USP7: variants seen among roughly 807,000 people sequenced by gnomAD.
USP7 encodes the protein ubiquitin specific peptidase 7.
USP7 carries 9 observed loss-of-function variants against 162.9 expected under a neutral mutation model. The ratio of observed to expected loss-of-function variants is 0.06; its 90% confidence interval spans 0.03 to 0.10. The LOEUF (loss-of-function observed/expected upper bound fraction) is 0.10. USP7 is among the 10% of genes least tolerant of loss of function. The pLI is 1.00. For synonymous variants in USP7, 562 were observed against 475.9 expected (o/e 1.18, Z -2.35); for missense variants, 715 against 1,373.7 (o/e 0.52, Z 7.58).
rs16964664 is a variant in USP7 at position 8,910,332 on chromosome 16, A to T, written c.1161+413T>A. ...CCTAGAGAACACACTACTCATTCTAAAGTCGTGATCCTCAGAAAACTAAAT... is the reference window on the plus strand; with the variant it reads ...CCTAGAGAACACACTACTCATTCTATAGTCGTGATCCTCAGAAAACTAAAT... On this transcript the variant is annotated intron_variant, in intron 11 of 30. Coordinates refer to ENST00000344836, the MANE Select transcript of USP7 (RefSeq NM_003470.3). Among the ~76,000 whole-genome samples, 1,066 of 152,302 alleles carry T rather than the reference A, an allele frequency of 7.0e-3. 2 individuals carry two copies. The highest frequency in any genetic ancestry group is 0.024 in the African/African-American group (1,009 of 41,558).
intron 1 of USP7, among the ~76,000 whole-genome samples, chr16:8,948,483 C>A (rs1438242393): frequency 4.6e-5 from 7 of 152,194 alleles, no homozygotes; most frequent in African/African-American, 1.7e-4. Flanking sequence ...CCACACCTGG[C>A]CCCCAGTTAA....
intron 10 of USP7, among the ~76,000 whole-genome samples, chr16:8,914,734 AAAGT>A (rs948779889): frequency 1.9e-4 from 29 of 152,086 alleles, no homozygotes; most frequent in African/African-American, 7.0e-4. Flanking sequence ...CCTGAGCAAC[AAAGT>A]AAGACCCCAT....
intron 14 of USP7, 58 bp from the exon 15 acceptor site, chr16:8,904,623 C>T: frequency 6.3e-7 from 1 of 1,591,954 alleles, no homozygotes; most frequent in Non-Finnish European, 8.5e-7. Flanking sequence ...CTCTTAGAAG[C>T]TCCCGATTCT....
At chr16:8,923,064 G>A (rs1331972699) in intron 3 of USP7, 151 bp downstream of exon 3, 1 of 623,178 alleles carries the variant, frequency 1.6e-6, no homozygotes, top group Non-Finnish European at 2.8e-6. Context: ...TTTCTAGCTT[G>A]GATATTATAC....
chr16:8,920,111 G>A (rs990273482), intron 5 of USP7, among the ~76,000 whole-genome samples: 8 of 152,080 alleles, frequency 5.3e-5, no homozygotes, highest in African/African-American at 1.4e-4. Context: ...CATTCTTTAG[G>A]AACAGAAAAC....
chr16:8,908,049 T>C (rs892099596), intron 12 of USP7, among the ~76,000 whole-genome samples: 5 of 152,200 alleles, frequency 3.3e-5, no homozygotes, highest in Non-Finnish European at 7.3e-5. Context: ...GCAAGAGCTG[T>C]GAAGCAGAAA....
At chr16:8,960,406 T>G (rs573112990) in intron 1 of USP7, among the ~76,000 whole-genome samples, 1 of 152,220 alleles carries the variant, frequency 6.6e-6, no homozygotes, top group South Asian at 2.1e-4. Context: ...ATACAAGGAC[T>G]GTGCAGAGTT....
chr16:8,952,968 C>A (rs369544552), intron 1 of USP7, among the ~76,000 whole-genome samples: 6 of 152,216 alleles, frequency 3.9e-5, no homozygotes, highest in African/African-American at 1.4e-4. Context: ...TCCCAAGTAG[C>A]TGGGATTACA....
chr16:8,916,268 A>C (rs1897363483), intron 8 of USP7, among the ~76,000 whole-genome samples: 1 of 152,202 alleles, frequency 6.6e-6, no homozygotes, highest in South Asian at 2.1e-4. Flanking sequence ...TTAAAAGCCT[A>C]CTGCCTGCTA....
intron 1 of USP7, among the ~76,000 whole-genome samples, chr16:8,936,124 G>A (rs1898704556): frequency 6.6e-6 from 1 of 152,180 alleles, no homozygotes; most frequent in African/African-American, 2.4e-5. Context: ...CCACCAGGTG[G>A]TGCCTTGTCC....
Position 8,894,522 on chromosome 16 carries a change from C to G in USP7, c.3202+28G>C, listed in dbSNP as rs767781987. The G allele has an allele frequency of 2.2e-5, 33 of 1,499,386 alleles. No individual in the cohort carries two copies. In the African/African-American group the frequency reaches 4.8e-4, roughly 22 times the overall value. The allele number at this position is 1,499,386 out of a possible 1,614,324, so 92.9% of individuals were successfully genotyped here. ...TTGTTTCTTAGTCTGAAACCCACAC[C>G]AGCCCCCGGGGGGGGGAGAACCCTT... On this transcript the variant is annotated intron_variant, in intron 30 of 30. Coordinates refer to ENST00000344836, the MANE Select transcript of USP7 (RefSeq NM_003470.3).
intron 1 of USP7, among the ~76,000 whole-genome samples, chr16:8,955,714 A>AC (rs1567249474): frequency 5.9e-5 from 9 of 151,502 alleles, no homozygotes; most frequent in African/African-American, 1.9e-4. Flanking sequence ...CAAAAAAAAA[A>AC]AAAAAAAAAA....
intron 3 of USP7, 144 bp from the exon 4 acceptor site, chr16:8,921,439 G>A: frequency 1.1e-6 from 1 of 928,074 alleles, no homozygotes; most frequent in Non-Finnish European, 1.6e-6. Flanking sequence ...AGGTAGGATG[G>A]AGGCATTTTT....
intron 1 of USP7, among the ~76,000 whole-genome samples, chr16:8,941,047 T>C (rs1233835073): frequency 2.0e-5 from 3 of 152,224 alleles, no homozygotes; most frequent in East Asian, 3.8e-4. Flanking sequence ...TTCCAGCCAC[T>C]GATTGGAAAG....
At chr16:8,947,018 C>G (rs1387229009) in intron 1 of USP7, among the ~76,000 whole-genome samples, 1 of 152,032 alleles carries the variant, frequency 6.6e-6, no homozygotes, top group Non-Finnish European at 1.5e-5. Context: ...ATTAAGTTAC[C>G]ACTTGTTTTG....
intron 1 of USP7, among the ~76,000 whole-genome samples, chr16:8,962,152 C>T (rs757853177): frequency 6.6e-6 from 1 of 152,230 alleles, no homozygotes; most frequent in East Asian, 1.9e-4. Context: ...TCCCCTGGAG[C>T]TTCATTCATT....
chr16:8,898,122 A>G (rs2061718135), intron 25 of USP7, among the ~76,000 whole-genome samples: 1 of 152,142 alleles, frequency 6.6e-6, no homozygotes, highest in Non-Finnish European at 1.5e-5. Context: ...AGTGGGACCC[A>G]GAAGGGAAGG....
rs775157682 is a variant in USP7, at chr16:8,930,276, G to C, written c.184+17C>G. ...AAGTTTCCGCCCACTGCGAGGCGGT[G>C]AACCACAGGCACTTACCATCCTCCA... On this transcript the variant is annotated intron_variant, in intron 2 of 30. Coordinates refer to ENST00000344836, the MANE Select transcript of USP7 (RefSeq NM_003470.3). The C allele has an allele frequency of 1.9e-6, 3 of 1,596,996 alleles. No homozygotes were observed. The highest frequency in any genetic ancestry group is 2.6e-6 in the Non-Finnish European group (3 of 1,169,408).
chr16:8,933,899 C>G (rs1192859608), intron 1 of USP7, among the ~76,000 whole-genome samples: 1 of 151,938 alleles, frequency 6.6e-6, no homozygotes, highest in Non-Finnish European at 1.5e-5. Flanking sequence ...AGGATTACAG[C>G]CGTGTGCCAC....
Sources: gnomAD v4.1 joint callset for allele counts (sites outside exome capture counted in the v4.1 genomes callset) on GRCh38, gnomAD v4.1.1 for gene constraint, MANE v1.5 for transcripts, NCBI Gene and HGNC (gene_info 2026-07-23, HGNC 2026-07-21) for gene names.